RANBP2: variants seen among roughly 807,000 people sequenced by gnomAD.
RANBP2 encodes E3 SUMO-protein ligase RanBP2.
RANBP2 carries 57 observed loss-of-function variants against 303.6 expected under a neutral mutation model. That is an observed-to-expected ratio of 0.19 (90% CI 0.15 to 0.23). The LOEUF is 0.23. Ranked by LOEUF, RANBP2 falls within the 10% of genes least tolerant of loss-of-function variation. The pLI is 1.00. For synonymous variants in RANBP2, 1,167 were observed against 1,301.5 expected (o/e 0.90, Z 2.23); for missense variants, 3,138 against 3,780.8 (o/e 0.83, Z 4.46).
At chr2:109,257,598 C>G in the RANBP2 span, among the ~76,000 whole-genome samples, 2 of 152,108 alleles carry the variant, frequency 1.3e-5, no homozygotes, top group African/African-American at 4.8e-5. Context: ...ACCACTGGAG[C>G]AGGATAGACT....
chr2:108,759,587 C>T (rs987764211), intron 18 of RANBP2, among the ~76,000 whole-genome samples: 19 of 152,176 alleles, frequency 1.2e-4, no homozygotes, highest in Non-Finnish European at 2.4e-4. Flanking sequence ...GGCAACCCCA[C>T]TAGCCTTTTG....
At chr2:109,392,996 G>A in the RANBP2 span, among the ~76,000 whole-genome samples, 2 of 152,222 alleles carry the variant, frequency 1.3e-5, no homozygotes, top group East Asian at 1.9e-4. Flanking sequence ...TTAGTCTCCT[G>A]AAGAATGACG....
At chr2:109,512,866 C>T in the RANBP2 span, among the ~76,000 whole-genome samples, 1 of 152,230 alleles carries the variant, frequency 6.6e-6, no homozygotes, top group Non-Finnish European at 1.5e-5. Flanking sequence ...CAGCCGCCTG[C>T]TATTCACCTC....
chr2:109,429,522 C>T, the RANBP2 span, among the ~76,000 whole-genome samples: 4 of 152,272 alleles, frequency 2.6e-5, no homozygotes, highest in South Asian at 2.1e-4. Context: ...TCTCCCTACG[C>T]GTTGGCCACA....
chr2:109,601,993 G>C, the RANBP2 span, among the ~76,000 whole-genome samples: 1 of 152,272 alleles, frequency 6.6e-6, no homozygotes, highest in Admixed American at 6.5e-5. Flanking sequence ...GAATAGACTA[G>C]TGAGGCAGAT....
Position 108,763,855 on chromosome 2 carries a change from G to A in RANBP2, c.3316G>A (p.Val1106Met), listed in dbSNP as rs1472209376. 1.2e-6 allele frequency: 2 copies of A among 1,613,928 alleles called. No individual in the cohort carries two copies. Among genetic ancestry groups the A allele is most frequent in the Non-Finnish European group, 1.7e-6 (2 of 1,179,992 alleles). ...TACATTCAATTTTGGAAGCAAAAAT[G>A]TGTCTGGAATTTCATTTACAGAAAA... ...RNTFNFGSKN[V>M]SGISFTENMG... Residue 1106 changes from valine to methionine, a missense_variant, in exon 20 of 29, where the codon GTG becomes ATG. Val to Met is a conservative substitution (Grantham distance 21). This residue lies in a region of RANBP2 where 403 missense variants were observed against 376.7 expected (regional missense o/e 1.07). Transcript: ENST00000283195.
the RANBP2 span, among the ~76,000 whole-genome samples, chr2:109,288,137 T>C: frequency 6.6e-6 from 1 of 152,358 alleles, no homozygotes; most frequent in East Asian, 1.9e-4. Context: ...AGGAAAATGC[T>C]GTGAACCTTG....
At chr2:109,251,827 A>G in the RANBP2 span, among the ~76,000 whole-genome samples, 1 of 152,206 alleles carries the variant, frequency 6.6e-6, no homozygotes, top group Non-Finnish European at 1.5e-5. Flanking sequence ...TATTTTTAAT[A>G]CCAATTTTCT....
chr2:109,440,948 C>T, the RANBP2 span, among the ~76,000 whole-genome samples: 2,463 of 152,158 alleles, frequency 0.016, 65 homozygotes, highest in African/African-American at 0.056. Context: ...ACCAGCCAGA[C>T]GGAAAAATTG....
the RANBP2 span, among the ~76,000 whole-genome samples, chr2:109,079,291 C>T: frequency 6.6e-6 from 1 of 152,090 alleles, no homozygotes; most frequent in African/African-American, 2.4e-5. Flanking sequence ...CCCTAACTTA[C>T]TTTGTTGTAA....
At chr2:109,628,695 G>A in the RANBP2 span, among the ~76,000 whole-genome samples, 2 of 151,928 alleles carry the variant, frequency 1.3e-5, no homozygotes, top group Non-Finnish European at 2.9e-5. Flanking sequence ...GCTTGCTTAT[G>A]TATATTCCAA....
chr2:108,979,940 C>T, the RANBP2 span, among the ~76,000 whole-genome samples: 5 of 152,076 alleles, frequency 3.3e-5, no homozygotes, highest in East Asian at 1.9e-4. Context: ...CTCTATTATC[C>T]TGGCTGAGAT....
At chr2:108,833,444 GTAGAGA>G in the RANBP2 span, among the ~76,000 whole-genome samples, 1 of 152,216 alleles carries the variant, frequency 6.6e-6, no homozygotes, top group East Asian at 1.9e-4. Flanking sequence ...TAAACAGGAA[GTAGAGA>G]TAGAGTAGGC....
At chr2:109,662,860 G>A in the RANBP2 span, among the ~76,000 whole-genome samples, 694 of 152,230 alleles carry the variant, frequency 4.6e-3, 22 homozygotes, top group Admixed American at 0.042. Context: ...TCCCTTGTGC[G>A]ATTGCCATGG....
At chr2:109,594,347 G>C in the RANBP2 span, among the ~76,000 whole-genome samples, 1 of 152,104 alleles carries the variant, frequency 6.6e-6, no homozygotes, top group Non-Finnish European at 1.5e-5. Context: ...TTCTCTAATA[G>C]CTCAGCGCTC....
the RANBP2 span, among the ~76,000 whole-genome samples, chr2:108,991,686 G>A: frequency 6.6e-6 from 1 of 152,206 alleles, no homozygotes; most frequent in Non-Finnish European, 1.5e-5. Context: ...ATTTTAGAGA[G>A]TCAATGGACT....
At chr2:109,249,474 T>G in the RANBP2 span, among the ~76,000 whole-genome samples, 29 of 17,876 alleles carry the variant, frequency 1.6e-3, no homozygotes, top group African/African-American at 0.011. Flanking sequence ...TTTCTCTTTC[T>G]TTCTTTCTTT....
chr2:109,177,555 G>T, the RANBP2 span, among the ~76,000 whole-genome samples: 3 of 152,002 alleles, frequency 2.0e-5, no homozygotes, highest in Admixed American at 2.0e-4. Context: ...GCTCTGGGGG[G>T]GGGCACCATT....
the RANBP2 span, among the ~76,000 whole-genome samples, chr2:109,040,704 C>G: frequency 1.0e-3 from 153 of 152,224 alleles, no homozygotes; most frequent in African/African-American, 3.3e-3. Flanking sequence ...TTTCTTGATG[C>G]TATGTCAAAA....
Sources: allele counts gnomAD v4.1 joint callset (sites outside exome capture counted in the v4.1 genomes callset), GRCh38; gene constraint gnomAD v4.1.1; regional missense constraint gnomAD v4.1.1; transcripts MANE v1.5; gene names NCBI Gene and HGNC (gene_info 2026-07-23, HGNC 2026-07-21).